The following ZNF704 variants were observed in gnomAD, a reference collection of about 807,000 sequenced individuals.
ZNF704 encodes the protein glucocorticoid induced gene 1.
ZNF704 carries 10 observed loss-of-function variants against 44.7 expected under a neutral mutation model. The observed-to-expected ratio is 0.22, with a 90% CI of 0.14 to 0.38. ZNF704 has a LOEUF of 0.38. Among genes scored for constraint, ZNF704 ranks in the 10% least tolerant of loss-of-function variants. ZNF704 has a pLI of 1.00. For synonymous variants in ZNF704, 211 were observed against 207.6 expected (o/e 1.02, Z -0.14); for missense variants, 390 against 545.5 (o/e 0.71, Z 2.84).
At chr8:80,861,972 C>T (rs1332453526) in intron 1 of ZNF704, among the ~76,000 whole-genome samples, 1 of 96,074 alleles carries the variant, frequency 1.0e-5, no homozygotes, top group Admixed American at 1.2e-4. Context: ...TGTGGTTGAA[C>T]AAGATAGAAA....
chr8:80,747,828 T>A (rs572507110), intron 2 of ZNF704, among the ~76,000 whole-genome samples: 1 of 152,340 alleles, frequency 6.6e-6, no homozygotes, highest in East Asian at 1.9e-4. Context: ...GCGATTCCCC[T>A]GCTTCAGCAT....
At chr8:80,832,001 C>T (rs1306762081) in intron 1 of ZNF704, among the ~76,000 whole-genome samples, 2 of 152,192 alleles carry the variant, frequency 1.3e-5, no homozygotes, top group Admixed American at 6.5e-5. Flanking sequence ...AACACAGAAG[C>T]TCTTCATATA....
chr8:80,678,814 C>T (rs1818408033), intron 4 of ZNF704, among the ~76,000 whole-genome samples: 1 of 152,214 alleles, frequency 6.6e-6, no homozygotes, highest in Admixed American at 6.5e-5. Flanking sequence ...CTGCACCATG[C>T]TCAGGGTCCC....
intron 1 of ZNF704, among the ~76,000 whole-genome samples, chr8:80,857,113 T>A (rs1412396700): frequency 6.6e-6 from 1 of 152,188 alleles, no homozygotes; most frequent in African/African-American, 2.4e-5. Flanking sequence ...TAAACGATAT[T>A]TGAAATCTCA....
intron 3 of ZNF704, among the ~76,000 whole-genome samples, chr8:80,689,933 C>T (rs376289633): frequency 6.6e-6 from 1 of 152,252 alleles, no homozygotes; most frequent in East Asian, 1.9e-4. Flanking sequence ...ACAGGCACTG[C>T]TGGACTCTCA....
intron 2 of ZNF704, among the ~76,000 whole-genome samples, chr8:80,779,086 C>T (rs1807466878): frequency 6.7e-6 from 1 of 149,074 alleles, no homozygotes; most frequent in Admixed American, 6.7e-5. Context: ...CTTCCTTCCT[C>T]CCTCCCCCTC....
chr8:80,728,888 G>C (rs754973293), intron 2 of ZNF704, among the ~76,000 whole-genome samples: 5 of 152,154 alleles, frequency 3.3e-5, no homozygotes, highest in Non-Finnish European at 7.3e-5. Context: ...TAAAGAAAAT[G>C]AGAAAATATA....
In ZNF704 at chr8:80,791,368, G is replaced by C. The variant is rs531688201; in HGVS notation, c.221+30006C>G. Among the ~76,000 whole-genome samples the C allele has an allele frequency of 1.1e-3, 164 of 152,312 alleles. 5 individuals are homozygous for C. In the South Asian group the frequency reaches 0.032, roughly 29 times the overall value. On this transcript the variant is annotated intron_variant, in intron 2 of 8. Coordinates refer to ENST00000327835, the MANE Select transcript of ZNF704 (RefSeq NM_001033723.3). Reference sequence around the variant, plus strand: ...AGATCCTTAGGAATCTGCCCAGAAAGGGGGAAGGAGATTCCCATCTCTAAT... The same window carrying C: ...AGATCCTTAGGAATCTGCCCAGAAACGGGGAAGGAGATTCCCATCTCTAAT...
intron 1 of ZNF704, among the ~76,000 whole-genome samples, chr8:80,848,853 G>A (rs1299396969): frequency 6.6e-6 from 1 of 151,958 alleles, no homozygotes; most frequent in East Asian, 1.9e-4. Context: ...CCTTTTACAG[G>A]TAAATCAATA....
chr8:80,850,590 T>C (rs886226057), intron 1 of ZNF704, among the ~76,000 whole-genome samples: 3 of 152,162 alleles, frequency 2.0e-5, no homozygotes, highest in African/African-American at 7.2e-5. Flanking sequence ...CTTTTTGTTG[T>C]TTTATTTTGC....
At chr8:80,682,877 C>A (rs773890609) in intron 4 of ZNF704, among the ~76,000 whole-genome samples, 1 of 152,154 alleles carries the variant, frequency 6.6e-6, no homozygotes, top group Non-Finnish European at 1.5e-5. Context: ...GCTGAAGAGG[C>A]CAAGTGACTT....
At chr8:80,713,843 T>C (rs115368427) in intron 2 of ZNF704, among the ~76,000 whole-genome samples, 293 of 152,332 alleles carry the variant, frequency 1.9e-3, no homozygotes, top group African/African-American at 6.6e-3. Context: ...CCTCCTTGTA[T>C]CTGATGCTGA....
At chr8:80,712,756 C>T (rs774603286) in intron 2 of ZNF704, among the ~76,000 whole-genome samples, 1 of 151,956 alleles carries the variant, frequency 6.6e-6, no homozygotes, top group Non-Finnish European at 1.5e-5. Flanking sequence ...GAGATCGTGC[C>T]ATTGCACTCC....
chr8:80,687,447 C>T lies in ZNF704; in HGVS notation c.337G>A (p.Gly113Arg), dbSNP rs779898697. The change falls in exon 4 of 9, where the codon GGA (glycine) becomes AGA (arginine). Residue 113 changes from glycine (G) to arginine (R), a missense_variant. Coordinates refer to ENST00000327835, the MANE Select transcript of ZNF704 (RefSeq NM_001033723.3). ...PPVRPNESLS[G>R]SWKEGGCVPS... ...ACGCAGCCGCCCTCCTTCCAGGATC[C>T]GCTGAGGCTCTCTGCATGCACACAA... The T allele has an allele frequency of 1.9e-6, 3 of 1,565,324 alleles. No individual in the cohort carries two copies. The highest frequency in any genetic ancestry group is 2.3e-5 in the South Asian group (2 of 86,850).
At chr8:80,700,908 G>T (rs1818799905) in intron 2 of ZNF704, among the ~76,000 whole-genome samples, 1 of 151,808 alleles carries the variant, frequency 6.6e-6, no homozygotes, top group Non-Finnish European at 1.5e-5. Context: ...TCTACTCTCT[G>T]TCACTGCATC....
chr8:80,678,583 T>C (rs1214776508), intron 4 of ZNF704, among the ~76,000 whole-genome samples: 4 of 152,198 alleles, frequency 2.6e-5, no homozygotes, highest in Non-Finnish European at 5.9e-5. Flanking sequence ...TGCAAAGACA[T>C]ATGTATATTC....
At chr8:80,769,668 C>T (rs1696641626) in intron 2 of ZNF704, among the ~76,000 whole-genome samples, 1 of 152,194 alleles carries the variant, frequency 6.6e-6, no homozygotes, top group Non-Finnish European at 1.5e-5. Flanking sequence ...CCTTGTTGTA[C>T]ATACTGCTAT....
At chr8:80,853,496 A>G (rs770095201) in intron 1 of ZNF704, among the ~76,000 whole-genome samples, 10 of 152,180 alleles carry the variant, frequency 6.6e-5, no homozygotes, top group Non-Finnish European at 1.3e-4. Flanking sequence ...CATAAAACCC[A>G]AGATTATTTT....
chr8:80,654,916 C>CA (rs1406047277), intron 7 of ZNF704, among the ~76,000 whole-genome samples: 1 of 152,104 alleles, frequency 6.6e-6, no homozygotes, highest in Non-Finnish European at 1.5e-5. Context: ...ACACTATTCA[C>CA]AATAGCAAAG....
Sources: allele counts gnomAD v4.1 joint callset (sites outside exome capture counted in the v4.1 genomes callset), GRCh38; gene constraint gnomAD v4.1.1; transcripts MANE v1.5; gene names NCBI Gene and HGNC (gene_info 2026-07-23, HGNC 2026-07-21).